The following RBFOX1 variants were observed in gnomAD, a reference collection of about 807,000 sequenced individuals.
RBFOX1 encodes RNA binding protein fox-1 homolog 1.
A neutral mutation model predicts 57.7 loss-of-function variants in RBFOX1; 8 were observed. That is an observed-to-expected ratio of 0.14 (90% CI 0.08 to 0.25). RBFOX1 has a LOEUF of 0.25. Ranked by LOEUF, RBFOX1 falls within the 10% of genes least tolerant of loss-of-function variation. The pLI is 1.00. For synonymous variants in RBFOX1, 326 were observed against 222.4 expected (o/e 1.47, Z -4.15); for missense variants, 611 against 548.5 (o/e 1.11, Z -1.14).
intron 1 of RBFOX1, among the ~76,000 whole-genome samples, chr16:5,346,668 T>C (rs910562605): frequency 2.6e-5 from 4 of 152,160 alleles, no homozygotes; most frequent in African/African-American, 9.7e-5. Context: ...GAGTGTGCTG[T>C]GGGAGTGGAG....
chr16:5,873,320 A>G (rs2057524260), intron 4 of RBFOX1, among the ~76,000 whole-genome samples: 3 of 152,170 alleles, frequency 2.0e-5, no homozygotes, highest in Admixed American at 2.0e-4. Flanking sequence ...CTTAATTCAC[A>G]TTGGAGTTAA....
chr16:7,073,090 C>A (rs2153782053), intron 4 of RBFOX1, among the ~76,000 whole-genome samples: 1 of 152,284 alleles, frequency 6.6e-6, no homozygotes, highest in East Asian at 1.9e-4. Context: ...TCAGTTGAGA[C>A]TCCAGAAAGA....
rs149700490 is a variant in RBFOX1 at position 5,565,256 on chromosome 16, G to GGT, written c.259-33634_259-33633dup. On this transcript the variant is annotated intron_variant, in intron 2 of 2. Coordinates refer to the RBFOX1 transcript ENST00000585867. Reference sequence around the variant, plus strand: ...TATTCCAGATTTCAGAAGGAAAACTGGTGTGTGTGTGTGCGTGTGTGCACG... The same window carrying GGT: ...TATTCCAGATTTCAGAAGGAAAACTGGTGTGTGTGTGTGTGCGTGTGTGCACG... Among the ~76,000 whole-genome samples, 9 of 151,176 alleles carry GGT rather than the reference G, an allele frequency of 6.0e-5. No homozygotes were observed. The South Asian group carries it at 8.3e-4, about 14-fold the overall frequency.
At chr16:6,924,468 C>T (rs919351870) in intron 3 of RBFOX1, among the ~76,000 whole-genome samples, 5 of 151,998 alleles carry the variant, frequency 3.3e-5, no homozygotes, top group African/African-American at 1.2e-4. Flanking sequence ...GGCACCAAGC[C>T]ATTCTTGAGG....
intron 4 of RBFOX1, among the ~76,000 whole-genome samples, chr16:7,135,638 G>A (rs755520578): frequency 5.3e-5 from 8 of 152,184 alleles, no homozygotes; most frequent in Admixed American, 2.0e-4. Context: ...GCCGCTGTTC[G>A]CGGCATCCCT....
rs182881918 is a variant in RBFOX1 at position 5,363,241 on chromosome 16, C to T, written c.220-103975C>T. Among the ~76,000 whole-genome samples the T allele has an allele frequency of 2.6e-3, 372 of 144,186 alleles. 2 individuals are homozygous for T. The highest frequency in any genetic ancestry group is 9.1e-3 in the African/African-American group (347 of 38,322). The allele number at this position is 144,186 out of a possible 152,430, so 94.6% of individuals were successfully genotyped here. Reference sequence around the variant, plus strand: ...TGTATTTTTAGTAGAGACAGGATTTCGCCATGTTGGCAAGGCCGGTCTTGA... The same window carrying T: ...TGTATTTTTAGTAGAGACAGGATTTTGCCATGTTGGCAAGGCCGGTCTTGA... On this transcript the variant is annotated intron_variant, in intron 1 of 2. Transcript: ENST00000585867.
At chr16:6,675,594 G>A (rs2057498804) in intron 3 of RBFOX1, among the ~76,000 whole-genome samples, 1 of 152,298 alleles carries the variant, frequency 6.6e-6, no homozygotes, top group South Asian at 2.1e-4. Flanking sequence ...CTGAGACTGG[G>A]TAATTTGTAA....
At chr16:6,683,419 G>A (rs1477548900) in intron 3 of RBFOX1, among the ~76,000 whole-genome samples, 1 of 152,126 alleles carries the variant, frequency 6.6e-6, no homozygotes, top group African/African-American at 2.4e-5. Context: ...GCATGCTAAT[G>A]TATTTGGGGA....
intron 3 of RBFOX1, among the ~76,000 whole-genome samples, chr16:5,631,782 C>G (rs9888965): frequency 0.57 from 86,480 of 151,892 alleles, 26,063 homozygotes; most frequent in Non-Finnish European, 0.68. Flanking sequence ...TGTCCAGAGT[C>G]TGGTGAAAGG....
intron 3 of RBFOX1, among the ~76,000 whole-genome samples, chr16:6,823,899 G>GCTC (rs2091737761): frequency 6.6e-6 from 1 of 152,154 alleles, no homozygotes; most frequent in Admixed American, 6.5e-5. Flanking sequence ...GCAAAAAGGA[G>GCTC]CATGCTGGAG....
At position 6,125,179 on chromosome 16, in the gene RBFOX1, C is replaced by T. The variant is rs114204603; in HGVS notation, c.-127+105187C>T. Reference sequence around the variant, plus strand: ...GTGCAGCTCCCTGTGCATGTGTTACCTCCTCTTACAGTCATATCTTTGTCA... The same window carrying T: ...GTGCAGCTCCCTGTGCATGTGTTACTTCCTCTTACAGTCATATCTTTGTCA... On this transcript the variant is annotated intron_variant, in intron 1 of 15. Coordinates refer to ENST00000550418, the MANE Select transcript of RBFOX1 (RefSeq NM_018723.4). Among the ~76,000 whole-genome samples, 1,064 of 152,288 alleles carry T rather than the reference C, an allele frequency of 7.0e-3. 14 individuals carry two copies. The highest frequency in any genetic ancestry group is 0.024 in the African/African-American group (999 of 41,566).
chr16:6,491,803 C>T (rs1044950669), intron 2 of RBFOX1, among the ~76,000 whole-genome samples: 4 of 152,148 alleles, frequency 2.6e-5, no homozygotes, highest in Non-Finnish European at 2.9e-5. Flanking sequence ...TTTGAGGCTT[C>T]GAAGTCCCTT....
chr16:5,515,468 A>G (rs1025587411), intron 2 of RBFOX1, among the ~76,000 whole-genome samples: 9 of 152,214 alleles, frequency 5.9e-5, no homozygotes, highest in African/African-American at 2.2e-4. Context: ...CTTCTATCTT[A>G]TTAATCTCCT....
intron 3 of RBFOX1, among the ~76,000 whole-genome samples, chr16:5,704,499 A>T (rs1040830642): frequency 6.6e-6 from 1 of 152,162 alleles, no homozygotes; most frequent in Admixed American, 6.5e-5. Context: ...AGGCCCAGCT[A>T]CTTTGCATAC....
intron 4 of RBFOX1, among the ~76,000 whole-genome samples, chr16:7,210,011 C>T (rs188542110): frequency 6.6e-6 from 1 of 152,172 alleles, no homozygotes; most frequent in African/African-American, 2.4e-5. Context: ...TAAAAATGAT[C>T]ATTCTCCAGT....
chr16:5,425,254 C>T (rs796103480), intron 1 of RBFOX1, among the ~76,000 whole-genome samples: 1 of 152,022 alleles, frequency 6.6e-6, no homozygotes, highest in African/African-American at 2.4e-5. Flanking sequence ...TATAGACGTG[C>T]ACCACCACGT....
At chr16:6,079,167 G>A (rs1054615201) in intron 1 of RBFOX1, among the ~76,000 whole-genome samples, 1 of 151,542 alleles carries the variant, frequency 6.6e-6, no homozygotes, top group Non-Finnish European at 1.5e-5. Context: ...AAAATTACCA[G>A]CCGCATTACA....
chr16:7,001,430 G>C (rs147739335), intron 3 of RBFOX1, among the ~76,000 whole-genome samples: 12,655 of 141,056 alleles, frequency 0.09, 1,707 homozygotes, highest in African/African-American at 0.3. Context: ...ATATGTATAT[G>C]TATATGTATA....
chr16:6,490,828 A>G (rs2153132005), intron 2 of RBFOX1, among the ~76,000 whole-genome samples: 1 of 152,364 alleles, frequency 6.6e-6, no homozygotes, highest in East Asian at 1.9e-4. Flanking sequence ...GTTTGAACAA[A>G]GAGAGCGAAG....
Sources: gnomAD v4.1 joint callset for allele counts (sites outside exome capture counted in the v4.1 genomes callset) on GRCh38, gnomAD v4.1.1 for gene constraint, MANE v1.5 for transcripts, NCBI Gene and HGNC (gene_info 2026-07-23, HGNC 2026-07-21) for gene names.